The following ATPSCKMT variants were observed in gnomAD, a reference collection of about 807,000 sequenced individuals.
ATPSCKMT encodes the protein ATP synthase subunit C lysine N-methyltransferase.
In ATPSCKMT, 24 loss-of-function variants were observed where a neutral mutation model predicts 24.3. The observed-to-expected ratio is 0.99, with a 90% CI of 0.71 to 1.39. ATPSCKMT has a LOEUF of 1.39. Among genes scored for constraint, ATPSCKMT ranks in the 40% most tolerant of loss-of-function variants. The pLI is 0.00. For synonymous variants in ATPSCKMT, 95 were observed against 110.5 expected, an observed-to-expected ratio of 0.86 and a Z score of 0.88; for missense variants, 311 against 298.4, an observed-to-expected ratio of 1.04 and a Z score of -0.31.
chr5:10,237,563 C>A (rs903508326), intron 2 of ATPSCKMT, among the ~76,000 whole-genome samples: 10 of 152,054 alleles, frequency 6.6e-5, no homozygotes, highest in African/African-American at 2.4e-4. Flanking sequence ...AGTTTCCCTG[C>A]GCAAGCTCTC....
chr5:10,241,963 A>AT lies in ATPSCKMT; in HGVS notation c.17-2608dup, dbSNP rs548282777. On this transcript the variant is annotated intron_variant, in intron 1 of 4. Coordinates refer to ENST00000511437, the MANE Select transcript of ATPSCKMT (RefSeq NM_199133.4). ...TTTTGGTCTGATTTATCTTCGAAAA[A>AT]TTTTTTTTAATTTTTAAAAAAGAGT... Among the ~76,000 whole-genome samples, 20 of 152,198 alleles carry AT rather than the reference A, an allele frequency of 1.3e-4. No homozygotes were observed. In the East Asian group the frequency reaches 3.5e-3, roughly 26 times the overall value.
At chr5:10,246,698 A>C (rs1198862530) in intron 1 of ATPSCKMT, among the ~76,000 whole-genome samples, 1 of 152,212 alleles carries the variant, frequency 6.6e-6, no homozygotes, top group African/African-American at 2.4e-5. Flanking sequence ...AGATGACCCA[A>C]ATTTCATTTT....
chr5:10,227,002 T>A lies in ATPSCKMT; in HGVS notation c.*439A>T, dbSNP rs1372555046. ...CTCTCTGAATCCTTTAGAAAATTAA[T>A]TTTGCCATGAAGTACAAAAAGGAAA... On this transcript the variant is annotated 3_prime_UTR_variant, in exon 5 of 5. Coordinates refer to ENST00000511437, the MANE Select transcript of ATPSCKMT (RefSeq NM_199133.4). The A allele has an allele frequency of 1.2e-5, 2 of 161,628 alleles. No individual in the cohort carries two copies. Among genetic ancestry groups the A allele is most frequent in the South Asian group, 3.3e-4 (2 of 5,980 alleles). 10.0% of individuals were successfully genotyped at this position (161,628 alleles called of 1,614,324 possible).
At chr5:10,249,070 C>T (rs1192378488) in intron 1 of ATPSCKMT, among the ~76,000 whole-genome samples, 1 of 152,030 alleles carries the variant, frequency 6.6e-6, no homozygotes, top group Non-Finnish European at 1.5e-5. Flanking sequence ...CCGTTCGAGA[C>T]CAGCCTGGCC....
chr5:10,245,419 C>CA lies in ATPSCKMT; in HGVS notation c.16+4438dup, dbSNP rs1202907775. ...TGGGTGACAAAGTGAGACTCCGTCT[C>CA]AAAAAATAATAATAAAATAAAATAA... On this transcript the variant is annotated intron_variant, in intron 1 of 4. Transcript: ENST00000511437. 4.6e-5 allele frequency among the ~76,000 whole-genome samples: 7 copies of CA among 151,310 alleles called. No homozygotes were observed. The East Asian group carries it at 5.8e-4, about 13-fold the overall frequency.
intron 1 of ATPSCKMT, among the ~76,000 whole-genome samples, chr5:10,242,459 T>A (rs979029555): frequency 6.6e-6 from 1 of 152,230 alleles, no homozygotes; most frequent in African/African-American, 2.4e-5. Flanking sequence ...CTCAGTCTCA[T>A]CTTCAGGCTC....
chr5:10,235,072 A>C (rs1579423522), intron 4 of ATPSCKMT, 139 bp downstream of exon 4: 1 of 680,226 alleles, frequency 1.5e-6, no homozygotes, highest in East Asian at 2.7e-5. Flanking sequence ...TATTTTATTA[A>C]ATCAATGAAC....
intron 4 of ATPSCKMT, among the ~76,000 whole-genome samples, chr5:10,231,963 G>A (rs1744157532): frequency 6.6e-6 from 1 of 152,236 alleles, no homozygotes. Context: ...AACACTTTGG[G>A]AGTCTGCAGC....
At chr5:10,248,503 T>C (rs1235698287) in intron 1 of ATPSCKMT, 1 of 152,258 alleles carries the variant, frequency 6.6e-6, no homozygotes, top group Non-Finnish European at 1.5e-5. Flanking sequence ...CGCGTAAGTA[T>C]GCCAAGCATG....
intron 1 of ATPSCKMT, among the ~76,000 whole-genome samples, chr5:10,246,633 T>C (rs1042924422): frequency 6.6e-6 from 1 of 152,258 alleles, no homozygotes; most frequent in Non-Finnish European, 1.5e-5. Flanking sequence ...TGTATGGATA[T>C]GCCATATTTT....
chr5:10,242,790 G>A (rs1744708894), intron 1 of ATPSCKMT, among the ~76,000 whole-genome samples: 1 of 152,210 alleles, frequency 6.6e-6, no homozygotes, highest in Non-Finnish European at 1.5e-5. Context: ...CAAAATGAAT[G>A]CTGTGTTGAC....
At chr5:10,249,521 C>A in intron 1 of ATPSCKMT, 1 of 339,074 alleles carries the variant, frequency 2.9e-6, no homozygotes, top group Non-Finnish European at 5.3e-6. Context: ...TCCTCAAAGC[C>A]ACAGCTAGGA....
chr5:10,239,301 T>C lies in ATPSCKMT; in HGVS notation c.72A>G (p.Ala24=). 4 of 1,614,214 alleles carry C rather than the reference T, an allele frequency of 2.5e-6. No homozygotes were observed. The highest frequency in any genetic ancestry group is 3.4e-6 in the Non-Finnish European group (4 of 1,180,036). Residue 24 remains alanine (A), a synonymous_variant, in exon 2 of 5, where the codon GCA becomes GCG. Coordinates refer to ENST00000511437, the MANE Select transcript of ATPSCKMT (RefSeq NM_199133.4). ...TCTGCAAACTGTTGACTTCAAAACT[T>C]GCAGGTAGAACATGTCTTGACTGAC... The part of the protein sequence containing the change: ...EESQSRHVLP[A]SFEVNSLQKS...
intron 1 of ATPSCKMT, among the ~76,000 whole-genome samples, chr5:10,243,972 T>C (rs1210179463): frequency 6.6e-6 from 1 of 152,248 alleles, no homozygotes; most frequent in Non-Finnish European, 1.5e-5. Context: ...TCACTAAGCT[T>C]AATAATTTCT....
chr5:10,234,990 AG>A (rs1561028144), intron 4 of ATPSCKMT, among the ~76,000 whole-genome samples: 2 of 152,258 alleles, frequency 1.3e-5, no homozygotes, highest in East Asian at 3.8e-4. Context: ...GAAATCATTG[AG>A]AATTTAATCT....
intron 1 of ATPSCKMT, among the ~76,000 whole-genome samples, chr5:10,240,030 T>C (rs1180610314): frequency 2.0e-5 from 3 of 148,392 alleles, no homozygotes; most frequent in Non-Finnish European, 3.0e-5. Context: ...ATCGAGACCA[T>C]CCTGGCTAAC....
intron 4 of ATPSCKMT, among the ~76,000 whole-genome samples, chr5:10,232,492 A>G (rs1744192537): frequency 6.6e-6 from 1 of 152,216 alleles, no homozygotes; most frequent in African/African-American, 2.4e-5. Context: ...ACAATAACCC[A>G]TCTAAGGACA....
intron 4 of ATPSCKMT, among the ~76,000 whole-genome samples, chr5:10,231,743 G>A (rs950451914): frequency 5.9e-5 from 9 of 152,254 alleles, no homozygotes; most frequent in African/African-American, 2.2e-4. Context: ...GAGCACCTGG[G>A]GCAGGTGTGT....
intron 4 of ATPSCKMT, among the ~76,000 whole-genome samples, chr5:10,234,344 T>C (rs953754307): frequency 6.6e-6 from 1 of 152,010 alleles, no homozygotes; most frequent in African/African-American, 2.4e-5. Flanking sequence ...AAAAGAATAT[T>C]TTACAAAAGC....
Sources: gnomAD v4.1 joint callset for allele counts (sites outside exome capture counted in the v4.1 genomes callset) on GRCh38, gnomAD v4.1.1 for gene constraint, MANE v1.5 for transcripts, NCBI Gene and HGNC (gene_info 2026-07-23, HGNC 2026-07-21) for gene names.